The following PRMT3 variants were observed in gnomAD, a reference collection of about 807,000 sequenced individuals.
The protein encoded by PRMT3 is protein arginine N-methyltransferase 3.
PRMT3 carries 62 observed loss-of-function variants against 71.9 expected under a neutral mutation model. The ratio of observed to expected loss-of-function variants is 0.86; its 90% CI spans 0.70 to 1.07. The LOEUF (loss-of-function observed/expected upper bound fraction) is 1.07, where lower values mean the gene tolerates loss of function less well. Among genes scored for constraint, PRMT3 ranks in the 50% least tolerant of loss-of-function variants. The pLI is 0.00. For missense variants in PRMT3, 663 were observed against 643.0 expected, an observed-to-expected ratio of 1.03 and a Z score of -0.34; for synonymous variants, 213 against 220.4, an observed-to-expected ratio of 0.97 and a Z score of 0.30.
intron 11 of PRMT3, among the ~76,000 whole-genome samples, chr11:20,458,503 G>A (rs1260495878): frequency 1.3e-5 from 2 of 152,118 alleles, no homozygotes; most frequent in South Asian, 2.1e-4. Flanking sequence ...TCCAATCAGC[G>A]CTTTGTTAAT....
At chr11:20,453,475 A>G (rs1850198624) in intron 11 of PRMT3, among the ~76,000 whole-genome samples, 2 of 150,910 alleles carry the variant, frequency 1.3e-5, no homozygotes, top group African/African-American at 2.4e-5. Flanking sequence ...GCGAGACTCC[A>G]TCTCAGAAAA....
At chr11:20,390,832 C>G (rs1309147451) in intron 3 of PRMT3, among the ~76,000 whole-genome samples, 1 of 152,118 alleles carries the variant, frequency 6.6e-6, no homozygotes, top group Non-Finnish European at 1.5e-5. Flanking sequence ...GGATGGATCA[C>G]AAGGTCAGGA....
chr11:20,391,814 C>T (rs147546631), intron 3 of PRMT3, among the ~76,000 whole-genome samples: 2 of 152,186 alleles, frequency 1.3e-5, no homozygotes, highest in African/African-American at 4.8e-5. Context: ...TAGTATACAC[C>T]ATGTCCTGGC....
rs1565196855 is a variant in PRMT3, at chr11:20,404,231, T to TG, written c.771+1247_771+1248insG. On this transcript the variant is annotated intron_variant, in intron 8 of 15. Transcript: ENST00000331079. ...TCATAGTTTTTTTTTTTTTTTTTTT[T>TG]TTTTTTTTTTTTTTTTTTTTTGAGA... Among the ~76,000 whole-genome samples the TG allele has an allele frequency of 8.5e-5, 8 of 94,466 alleles. No individual in the cohort carries two copies. In the East Asian group the frequency reaches 2.4e-3, roughly 28 times the overall value. The allele number at this position is 94,466 out of a possible 152,430, so 62.0% of individuals were successfully genotyped here.
chr11:20,431,352 T>C (rs1490505405), intron 10 of PRMT3, among the ~76,000 whole-genome samples: 1 of 152,118 alleles, frequency 6.6e-6, no homozygotes, highest in African/African-American at 2.4e-5. Flanking sequence ...AATAACAGTA[T>C]TACCTACTTC....
chr11:20,475,114 G>C (rs1467429701), intron 13 of PRMT3, among the ~76,000 whole-genome samples: 1 of 152,324 alleles, frequency 6.6e-6, no homozygotes, highest in South Asian at 2.1e-4. Context: ...GACATAGAAT[G>C]TACTACTTGC....
intron 8 of PRMT3, among the ~76,000 whole-genome samples, chr11:20,404,211 GTTTTTTTTTTTTTTTTTTTTTTTTTTT>G (rs71063629): frequency 1.2e-4 from 4 of 34,338 alleles, no homozygotes; most frequent in African/African-American, 4.0e-4. Flanking sequence ...ACTTTTCATA[GTTTTTTTTTTTTTTTTTTTTTTTTTTT>G]TTTTTTTTTT....
At chr11:20,412,812 T>C (rs543535109) in intron 9 of PRMT3, among the ~76,000 whole-genome samples, 2 of 152,164 alleles carry the variant, frequency 1.3e-5, no homozygotes, top group African/African-American at 4.8e-5. Context: ...TTTATACCTA[T>C]TATAAGAGAT....
chr11:20,443,052 A>C (rs1335450045), intron 10 of PRMT3, among the ~76,000 whole-genome samples: 2 of 152,172 alleles, frequency 1.3e-5, no homozygotes, highest in African/African-American at 4.8e-5. Context: ...AATTCTCCTC[A>C]ATGCTGTGTA....
At chr11:20,428,047 T>C (rs1477158357) in intron 10 of PRMT3, among the ~76,000 whole-genome samples, 1 of 150,886 alleles carries the variant, frequency 6.6e-6, no homozygotes, top group African/African-American at 2.4e-5. Context: ...ACAGTCACAG[T>C]TGTTGACAGT....
At chr11:20,489,998 G>T (rs1851170226) in intron 13 of PRMT3, among the ~76,000 whole-genome samples, 2 of 147,554 alleles carry the variant, frequency 1.4e-5, no homozygotes, top group South Asian at 2.3e-4. Context: ...CTCTTTAAGG[G>T]GCATTCTAGA....
intron 11 of PRMT3, among the ~76,000 whole-genome samples, chr11:20,461,666 A>G (rs539639756): frequency 1.6e-4 from 24 of 152,182 alleles, no homozygotes; most frequent in Non-Finnish European, 2.6e-4. Flanking sequence ...AGTACCTTTT[A>G]AGTTAGCATA....
intron 13 of PRMT3, among the ~76,000 whole-genome samples, chr11:20,472,451 T>A (rs1850669701): frequency 6.6e-6 from 1 of 152,242 alleles, no homozygotes; most frequent in African/African-American, 2.4e-5. Context: ...TCTATTGAGA[T>A]AATTGTGTGA....
At chr11:20,413,324 TG>T (rs1246777674) in intron 9 of PRMT3, among the ~76,000 whole-genome samples, 1 of 152,222 alleles carries the variant, frequency 6.6e-6, no homozygotes, top group East Asian at 1.9e-4. Flanking sequence ...TGCAGTTTAC[TG>T]ACTCATTATT....
intron 9 of PRMT3, among the ~76,000 whole-genome samples, chr11:20,423,272 A>G (rs1028549309): frequency 2.0e-5 from 3 of 152,152 alleles, no homozygotes; most frequent in African/African-American, 7.2e-5. Flanking sequence ...GTCAGTAGCC[A>G]AAGAGATTGT....
intron 15 of PRMT3, among the ~76,000 whole-genome samples, chr11:20,504,707 T>TGTGTGTGAGAGA (rs1332372470): frequency 1.8e-4 from 24 of 133,648 alleles, no homozygotes; most frequent in African/African-American, 6.6e-4. Flanking sequence ...TGTGTGTGTG[T>TGTGTGTGAGAGA]GAGAGAGAGA....
intron 13 of PRMT3, among the ~76,000 whole-genome samples, chr11:20,485,337 A>G (rs183745619): frequency 4.9e-4 from 75 of 152,340 alleles, no homozygotes; most frequent in African/African-American, 1.7e-3. Context: ...CAGTCACACA[A>G]GGACACAAAA....
chr11:20,467,901 C>T (rs1590086435), intron 13 of PRMT3, among the ~76,000 whole-genome samples: 1 of 152,192 alleles, frequency 6.6e-6, no homozygotes, highest in African/African-American at 2.4e-5. Flanking sequence ...CTTCGATTCT[C>T]TTGCTCTTTG....
chr11:20,415,690 C>T (rs1387598407), intron 9 of PRMT3, among the ~76,000 whole-genome samples: 1 of 151,894 alleles, frequency 6.6e-6, no homozygotes, highest in Non-Finnish European at 1.5e-5. Context: ...CCATGTTGAC[C>T]AGCCATGGTA....
Sources: allele counts gnomAD v4.1 joint callset (sites outside exome capture counted in the v4.1 genomes callset), GRCh38; gene constraint gnomAD v4.1.1; transcripts MANE v1.5; gene names NCBI Gene and HGNC (gene_info 2026-07-23, HGNC 2026-07-21).